The following RRAGD variants were observed in gnomAD, a reference collection of about 807,000 sequenced individuals.
The protein encoded by RRAGD is Ras related GTP binding D, also known as ras-related GTP-binding protein D.
In RRAGD, 12 loss-of-function variants were observed where a neutral mutation model predicts 35.5. The ratio of observed to expected loss-of-function variants is 0.34; its 90% CI spans 0.22 to 0.55. RRAGD has a LOEUF of 0.55. Ranked by LOEUF, RRAGD falls within the 20% of genes least tolerant of loss-of-function variation. The probability of loss-of-function intolerance (pLI) is 0.91; values close to 1 mark genes in which losing one functional copy is unlikely to be tolerated. For missense variants in RRAGD, 324 were observed against 490.1 expected, an observed-to-expected ratio of 0.66 and a Z score of 3.20; for synonymous variants, 155 against 178.9, an observed-to-expected ratio of 0.87 and a Z score of 1.07.
At chr6:89,368,579 G>C (rs1215496026) in intron 6 of RRAGD, among the ~76,000 whole-genome samples, 1 of 152,002 alleles carries the variant, frequency 6.6e-6, no homozygotes, top group East Asian at 1.9e-4. Flanking sequence ...CTCCCCAAAG[G>C]GCATTATTAG....
intron 1 of RRAGD, among the ~76,000 whole-genome samples, chr6:89,399,023 C>T (rs919423110): frequency 2.0e-5 from 3 of 152,210 alleles, no homozygotes; most frequent in South Asian, 2.1e-4. Flanking sequence ...CAAAACTCCT[C>T]GTTAAATTAT....
At chr6:89,406,081 A>T (rs1769572430) in intron 1 of RRAGD, among the ~76,000 whole-genome samples, 1 of 152,166 alleles carries the variant, frequency 6.6e-6, no homozygotes, top group Non-Finnish European at 1.5e-5. Context: ...GTGAAAACTA[A>T]ATCTTTATGA....
intron 1 of RRAGD, among the ~76,000 whole-genome samples, chr6:89,395,169 G>A (rs1769310470): frequency 6.6e-6 from 1 of 152,216 alleles, no homozygotes; most frequent in African/African-American, 2.4e-5. Context: ...TGAGGTGGGA[G>A]GATCCCTTGA....
chr6:89,372,317 G>A (rs777098193), intron 6 of RRAGD, 120 bp downstream of exon 6: 57 of 1,108,446 alleles, frequency 5.1e-5, no homozygotes, highest in Non-Finnish European at 7.2e-5. Context: ...GAGGGCCTGT[G>A]ACTGGCATCT....
At chr6:89,394,418 A>G (rs1048558068) in intron 1 of RRAGD, among the ~76,000 whole-genome samples, 6 of 152,202 alleles carry the variant, frequency 3.9e-5, no homozygotes, top group Non-Finnish European at 8.8e-5. Context: ...AGACAACAGA[A>G]CAGATCTTAA....
chr6:89,406,984 T>C (rs188352642), intron 1 of RRAGD, among the ~76,000 whole-genome samples: 1 of 152,354 alleles, frequency 6.6e-6, no homozygotes, highest in East Asian at 1.9e-4. Flanking sequence ...CTTTTCCCGT[T>C]TTACATTGGT....
rs1768714138 is a variant in RRAGD at position 89,364,992 on chromosome 6, A to G, written c.*3064T>C. On this transcript the variant is annotated 3_prime_UTR_variant, in exon 7 of 7. Coordinates refer to ENST00000369415, the MANE Select transcript of RRAGD (RefSeq NM_021244.5). ...CTATACCTGATTACAAATTACATCCAGTCTGTACAAGTTGAATACATACCA... is the reference window on the plus strand; with the variant it reads ...CTATACCTGATTACAAATTACATCCGGTCTGTACAAGTTGAATACATACCA... 1 of 152,252 alleles carries G rather than the reference A, an allele frequency of 6.6e-6. No homozygotes were observed. The highest frequency in any genetic ancestry group is 6.5e-5 in the Admixed American group (1 of 15,288). 9.4% of individuals were successfully genotyped at this position (152,252 alleles called of 1,614,324 possible).
chr6:89,366,061 G>A lies in RRAGD; in HGVS notation c.*1995C>T, dbSNP rs1214020259. The A allele has an allele frequency of 1.3e-5, 2 of 152,238 alleles. No homozygotes were observed. The highest frequency in any genetic ancestry group is 4.8e-5 in the African/African-American group (2 of 41,464). The allele number at this position is 152,238 out of a possible 1,614,324, so 9.4% of individuals were successfully genotyped here. A position where few individuals can be genotyped will look rare whatever the true frequency, so the allele number is the denominator to read the frequency against. ...TTCGGAGTAGGAATCATGAGGAAAG[G>A]AGTTAGGGCACCTTAATTATTTTTA... On this transcript the variant is annotated 3_prime_UTR_variant, in exon 7 of 7. Transcript: ENST00000369415.
In RRAGD at chr6:89,402,038, A is replaced by ATTTTTTTTTTTTTTTT. The variant is rs71556520; in HGVS notation, c.148+9792_148+9807dup. Among the ~76,000 whole-genome samples the ATTTTTTTTTTTTTTTT allele has an allele frequency of 2.1e-3, 163 of 78,418 alleles. 28 individuals are homozygous for ATTTTTTTTTTTTTTTT. The highest frequency in any genetic ancestry group is 0.01 in the East Asian group (23 of 2,204). The allele number at this position is 78,418 out of a possible 152,430, so 51.4% of individuals were successfully genotyped here. A position where few individuals can be genotyped will look rare whatever the true frequency, so the allele number is the denominator to read the frequency against. On this transcript the variant is annotated intron_variant, in intron 1 of 6. Transcript: ENST00000369415. ...TGAAAGCACTGAGGAAATCCTAAGG[A>ATTTTTTTTTTTTTTTT]TTTTTTTTTTTTTTTTTTTTTTGGT... is the stretch of plus-strand genomic sequence containing the variant.
At chr6:89,374,899 C>G (rs1768912488) in intron 5 of RRAGD, among the ~76,000 whole-genome samples, 1 of 152,074 alleles carries the variant, frequency 6.6e-6, no homozygotes, top group Admixed American at 6.6e-5. Context: ...GTTTTAACTA[C>G]TATATTTTAA....
chr6:89,393,766 A>C (rs1769281358), intron 1 of RRAGD, among the ~76,000 whole-genome samples: 1 of 152,268 alleles, frequency 6.6e-6, no homozygotes, highest in South Asian at 2.1e-4. Context: ...AGTTAATAAC[A>C]GAATCACAGC....
At chr6:89,396,960 C>T (rs1392576009) in intron 1 of RRAGD, among the ~76,000 whole-genome samples, 2 of 150,818 alleles carry the variant, frequency 1.3e-5, no homozygotes, top group Non-Finnish European at 3.0e-5. Context: ...AGGCTGGTCT[C>T]GAACTCCTGA....
chr6:89,379,136 G>A, intron 4 of RRAGD, 88 bp downstream of exon 4: 1 of 644,170 alleles, frequency 1.6e-6, no homozygotes, highest in East Asian at 2.9e-5. Flanking sequence ...AAATGCTATA[G>A]AAGCAATCGG....
chr6:89,368,832 T>C (rs1367934962), intron 6 of RRAGD, among the ~76,000 whole-genome samples: 2 of 152,206 alleles, frequency 1.3e-5, no homozygotes, highest in East Asian at 3.8e-4. Flanking sequence ...TCTTGTGTTT[T>C]CAGAAATGTA....
At chr6:89,377,863 C>G (rs1411491174) in intron 4 of RRAGD, 50 bp from the exon 5 acceptor site, 1 of 1,381,694 alleles carries the variant, frequency 7.2e-7, no homozygotes, top group Non-Finnish European at 9.9e-7. Flanking sequence ...AACTTCAGAC[C>G]ATGTCATGAC....
At chr6:89,404,508 G>A (rs889097457) in intron 1 of RRAGD, among the ~76,000 whole-genome samples, 5 of 152,114 alleles carry the variant, frequency 3.3e-5, no homozygotes, top group African/African-American at 4.8e-5. Flanking sequence ...CCTCCACTTG[G>A]TGCTATCAAT....
chr6:89,401,806 A>G (rs1769470894), intron 1 of RRAGD, among the ~76,000 whole-genome samples: 1 of 152,098 alleles, frequency 6.6e-6, no homozygotes, highest in Non-Finnish European at 1.5e-5. Flanking sequence ...CCTTTTTAAT[A>G]GTCCTTATTA....
intron 2 of RRAGD, among the ~76,000 whole-genome samples, chr6:89,384,808 C>A (rs950576113): frequency 7.9e-6 from 1 of 126,936 alleles, no homozygotes; most frequent in Admixed American, 7.8e-5. Flanking sequence ...AGCAAGACTC[C>A]GTCTCAAAAA....
Position 89,412,104 on chromosome 6 carries a change from C to G in RRAGD, c.-111G>C. On this transcript the variant is annotated 5_prime_UTR_variant, in exon 1 of 7. Coordinates refer to ENST00000369415, the MANE Select transcript of RRAGD (RefSeq NM_021244.5). The surrounding 1 kb of genome is among the most constrained non-coding windows in gnomAD (Gnocchi z 4.2). ...CTGAAGCGGAGGTTTGTCTAGAGCT[C>G]AGCGGGGCCCGGCGGAAGCGGGGGC... is the stretch of plus-strand genomic sequence containing the variant. The G allele has an allele frequency of 9.4e-7, 1 of 1,058,902 alleles. No individual in the cohort carries two copies. The highest frequency in any genetic ancestry group is 1.2e-6 in the Non-Finnish European group (1 of 813,592). 65.6% of individuals were successfully genotyped at this position (1,058,902 alleles called of 1,614,324 possible).
Sources: gnomAD v4.1 joint callset for allele counts (sites outside exome capture counted in the v4.1 genomes callset) on GRCh38, gnomAD v4.1.1 for gene constraint, Gnocchi (gnomAD v3.1) non-coding constraint, MANE v1.5 for transcripts, NCBI Gene and HGNC (gene_info 2026-07-23, HGNC 2026-07-21) for gene names.